FAM168A: variants seen among roughly 807,000 people sequenced by gnomAD.
The protein encoded by FAM168A is family with sequence similarity 168 member A, also known as protein FAM168A.
FAM168A carries 3 observed loss-of-function variants against 28.5 expected under a neutral mutation model. That is an observed-to-expected ratio of 0.11 (90% CI 0.05 to 0.27). The LOEUF (loss-of-function observed/expected upper bound fraction) is 0.27. Among genes scored for constraint, FAM168A ranks in the 10% least tolerant of loss-of-function variants. The probability of loss-of-function intolerance (pLI) is 1.00; values close to 1 mark genes in which losing one functional copy is unlikely to be tolerated. For synonymous variants in FAM168A, 122 were observed against 124.2 expected, an observed-to-expected ratio of 0.98 and a Z score of 0.12; for missense variants, 222 against 311.5, an observed-to-expected ratio of 0.71 and a Z score of 2.16.
chr11:73,411,295 A>C (rs1938777), intron 5 of FAM168A, 99 bp downstream of exon 5: 1 of 1,348,488 alleles, frequency 7.4e-7, no homozygotes, highest in Non-Finnish European at 1.0e-6. Context: ...GCCACAAACC[A>C]TCCTCTCCTT....
rs1031213241 is a variant in FAM168A, at chr11:73,405,788, G to C, written c.*975C>G. On this transcript the variant is annotated 3_prime_UTR_variant, in exon 8 of 8. Transcript: ENST00000356467. ...GGCACTGGGAAGGGCAAAAGAAAAG[G>C]GAGAGAAATGCCCTAGGTTCCCACT... 3 of 152,174 alleles carry C rather than the reference G, an allele frequency of 2.0e-5. No homozygotes were observed. Among genetic ancestry groups the C allele is most frequent in the Non-Finnish European group, 4.4e-5 (3 of 68,042 alleles). The allele number at this position is 152,174 out of a possible 1,614,324, so 9.4% of individuals were successfully genotyped here.
intron 1 of FAM168A, among the ~76,000 whole-genome samples, chr11:73,509,124 C>T (rs576045466): frequency 9.9e-5 from 15 of 152,096 alleles, no homozygotes; most frequent in Admixed American, 2.0e-4. Context: ...AGTGTGAGAA[C>T]GAGCTAATAC....
chr11:73,593,090 A>AT (rs1373526844), intron 1 of FAM168A, among the ~76,000 whole-genome samples: 3 of 152,336 alleles, frequency 2.0e-5, no homozygotes, highest in African/African-American at 7.2e-5. Flanking sequence ...AAGGTAAAAA[A>AT]TATACTGTTT....
chr11:73,548,094 G>C (rs1422441141), intron 1 of FAM168A, among the ~76,000 whole-genome samples: 2 of 152,170 alleles, frequency 1.3e-5, no homozygotes, highest in African/African-American at 4.8e-5. Flanking sequence ...AGGAGGAAGG[G>C]AGAGTTGTTG....
chr11:73,427,363 T>A (rs1866906448), intron 3 of FAM168A, among the ~76,000 whole-genome samples: 2 of 145,594 alleles, frequency 1.4e-5, no homozygotes, highest in African/African-American at 5.5e-5. Context: ...TTTGCTTGTT[T>A]TAAAATTAAA....
intron 1 of FAM168A, among the ~76,000 whole-genome samples, chr11:73,476,036 A>G (rs1867883278): frequency 6.6e-6 from 1 of 152,202 alleles, no homozygotes; most frequent in Non-Finnish European, 1.5e-5. Flanking sequence ...CAACAACCAT[A>G]GTGGGTCTTG....
intron 6 of FAM168A, among the ~76,000 whole-genome samples, chr11:73,408,106 A>G (rs1209612634): frequency 6.6e-6 from 1 of 152,128 alleles, no homozygotes; most frequent in African/African-American, 2.4e-5. Flanking sequence ...CCTGACCTCA[A>G]GTGATCCGCC....
chr11:73,547,167 G>GGGA (rs141362081), intron 1 of FAM168A, among the ~76,000 whole-genome samples: 2 of 149,356 alleles, frequency 1.3e-5, no homozygotes, highest in African/African-American at 4.9e-5. Context: ...AAAGGCGGGG[G>GGGA]GGAGGAGGAG....
At chr11:73,443,036 A>G (rs1474798248) in intron 2 of FAM168A, among the ~76,000 whole-genome samples, 1 of 140,086 alleles carries the variant, frequency 7.1e-6, no homozygotes, top group Non-Finnish European at 1.5e-5. Context: ...GGAGGAAATT[A>G]GGAGCACATA....
intron 1 of FAM168A, among the ~76,000 whole-genome samples, chr11:73,560,852 C>A (rs113990402): frequency 3.9e-5 from 6 of 152,206 alleles, no homozygotes; most frequent in African/African-American, 1.2e-4. Flanking sequence ...AGCCTGAGAC[C>A]AGGAGTTCAA....
intron 1 of FAM168A, among the ~76,000 whole-genome samples, chr11:73,484,622 A>ATC: frequency 6.9e-6 from 1 of 145,608 alleles, no homozygotes; most frequent in African/African-American, 2.6e-5. Flanking sequence ...ATATATCTAT[A>ATC]TATAGATATC....
intron 3 of FAM168A, among the ~76,000 whole-genome samples, chr11:73,427,067 C>T (rs1866899690): frequency 6.6e-6 from 1 of 152,146 alleles, no homozygotes. Context: ...TCTTGGCTCA[C>T]TGCAACCTCC....
intron 1 of FAM168A, among the ~76,000 whole-genome samples, chr11:73,484,237 G>A (rs1289295754): frequency 6.6e-6 from 1 of 151,978 alleles, no homozygotes; most frequent in East Asian, 1.9e-4. Context: ...AATTTTCACA[G>A]TAACTTTATT....
At position 73,409,639 on chromosome 11, in the gene FAM168A, A is replaced by G; in HGVS notation, c.443T>C (p.Val148Ala). ...YAQGAYYTQP[V>A]YAAQPHVIHH... ...GATGACATGAGGCTGGGCAGCATAC[A>G]CCGGCTGTGTGTAGTAGGCTCCCTG... is the stretch of plus-strand genomic sequence containing the variant. Residue 148 changes from valine to alanine, a missense_variant, in exon 6 of 8, where the codon GTG (valine) becomes GCG (alanine). This residue lies in a region of FAM168A where 153 missense variants were observed against 189.2 expected (regional missense o/e 0.81). Coordinates refer to ENST00000356467, the MANE Select transcript of FAM168A (RefSeq NM_015159.3). 6.2e-7 allele frequency: 1 copy of G among 1,610,642 alleles called. No individual in the cohort carries two copies. The highest frequency in any genetic ancestry group is 1.1e-5 in the South Asian group (1 of 90,634).
chr11:73,407,517 A>C lies in FAM168A; in HGVS notation c.*14T>G. On this transcript the variant is annotated 3_prime_UTR_variant, in exon 7 of 8. Coordinates refer to ENST00000356467, the MANE Select transcript of FAM168A (RefSeq NM_015159.3). ...TCTCACCCTGGCCACACTCACTTGG[A>C]TGGGCTGCAGGCTTTACCAGTGTGG... is the stretch of plus-strand genomic sequence containing the variant. 2 of 1,554,524 alleles carry C rather than the reference A, an allele frequency of 1.3e-6. No homozygotes were observed. Among genetic ancestry groups the C allele is most frequent in the Non-Finnish European group, 1.7e-6 (2 of 1,157,180 alleles).
intron 1 of FAM168A, among the ~76,000 whole-genome samples, chr11:73,556,812 G>A (rs1337572081): frequency 6.6e-6 from 1 of 151,868 alleles, no homozygotes; most frequent in Admixed American, 6.6e-5. Context: ...CACAAGGCTA[G>A]GAGTTCAAGG....
At chr11:73,452,568 G>A (rs1867450774) in intron 2 of FAM168A, among the ~76,000 whole-genome samples, 2 of 152,174 alleles carry the variant, frequency 1.3e-5, no homozygotes, top group Admixed American at 1.3e-4. Flanking sequence ...ACTTGGGCCA[G>A]TGCTAGAAGA....
intron 1 of FAM168A, among the ~76,000 whole-genome samples, chr11:73,556,889 C>A (rs1299947711): frequency 6.6e-6 from 1 of 151,802 alleles, no homozygotes; most frequent in East Asian, 1.9e-4. Context: ...ATTGACCAGG[C>A]ATGGTGGCAC....
At chr11:73,509,567 T>A (rs1439273147) in intron 1 of FAM168A, among the ~76,000 whole-genome samples, 3 of 152,104 alleles carry the variant, frequency 2.0e-5, no homozygotes, top group Non-Finnish European at 4.4e-5. Flanking sequence ...AAAACCCCAA[T>A]TTGTAAAGGG....
Sources: allele counts gnomAD v4.1 joint callset (sites outside exome capture counted in the v4.1 genomes callset), GRCh38; gene constraint gnomAD v4.1.1; regional missense constraint gnomAD v4.1.1; transcripts MANE v1.5; gene names NCBI Gene and HGNC (gene_info 2026-07-23, HGNC 2026-07-21).